Variants in SPAG16 observed in about 807,000 individuals in gnomAD.
SPAG16 encodes sperm-associated antigen 16 protein.
Under a neutral mutation model 80.4 loss-of-function variants are expected in SPAG16, and 86 were observed. The observed-to-expected ratio is 1.07, with a 90% CI of 0.90 to 1.28. The LOEUF is 1.28. Among genes scored for constraint, SPAG16 ranks in the 50% most tolerant of loss-of-function variants. The pLI, the probability that SPAG16 is intolerant of heterozygous loss-of-function variation, is 0.00. For synonymous variants in SPAG16, 294 were observed against 265.9 expected (o/e 1.11, Z -1.03); for missense variants, 870 against 765.3 (o/e 1.14, Z -1.61).
intron 11 of SPAG16, among the ~76,000 whole-genome samples, chr2:213,918,814 T>A (rs904054026): frequency 6.6e-5 from 10 of 152,188 alleles, no homozygotes; most frequent in African/African-American, 2.2e-4. Flanking sequence ...GTAACTCATT[T>A]TTTTTGTCTG....
chr2:214,159,605 A>G (rs989243522), intron 15 of SPAG16, among the ~76,000 whole-genome samples: 5 of 151,962 alleles, frequency 3.3e-5, no homozygotes, highest in African/African-American at 1.2e-4. Context: ...TTTATCTAAA[A>G]TTGAATTTCA....
chr2:213,649,621 C>T (rs1053514308), intron 10 of SPAG16, among the ~76,000 whole-genome samples: 3 of 152,088 alleles, frequency 2.0e-5, no homozygotes, highest in Admixed American at 1.3e-4. Context: ...GTCATCCAGG[C>T]GGTAGTGCAG....
intron 15 of SPAG16, among the ~76,000 whole-genome samples, chr2:214,386,701 A>T (rs1416409942): frequency 6.6e-6 from 1 of 152,060 alleles, no homozygotes; most frequent in Non-Finnish European, 1.5e-5. Context: ...ATCCCTACAA[A>T]AAATAAAAAA....
intron 15 of SPAG16, among the ~76,000 whole-genome samples, chr2:214,246,420 T>C (rs1270796353): frequency 6.6e-6 from 1 of 152,118 alleles, no homozygotes; most frequent in Non-Finnish European, 1.5e-5. Flanking sequence ...ACTCCCTTGT[T>C]ACTAATAGAA....
chr2:213,777,147 T>G (rs1158651844), intron 10 of SPAG16, among the ~76,000 whole-genome samples: 1 of 152,034 alleles, frequency 6.6e-6, no homozygotes, highest in Non-Finnish European at 1.5e-5. Context: ...AACTATTGTT[T>G]TTCCTACTTA....
At chr2:214,143,234 G>GTTTTTTTTT (rs59910884) in intron 14 of SPAG16, among the ~76,000 whole-genome samples, 1 of 112,668 alleles carries the variant, frequency 8.9e-6, no homozygotes, top group African/African-American at 3.4e-5. Flanking sequence ...ATAGTTTTGG[G>GTTTTTTTTT]TTTTTTTTTT....
At chr2:214,330,951 C>T (rs571376573) in intron 15 of SPAG16, among the ~76,000 whole-genome samples, 1 of 152,316 alleles carries the variant, frequency 6.6e-6, no homozygotes, top group African/African-American at 2.4e-5. Context: ...TAGTCTTTGT[C>T]CTGAAGAAAC....
intron 9 of SPAG16, among the ~76,000 whole-genome samples, chr2:213,477,306 GC>G (rs1483522741): frequency 6.6e-6 from 1 of 152,160 alleles, no homozygotes; most frequent in African/African-American, 2.4e-5. Context: ...ATGGGGCACT[GC>G]CTAATAAAGC....
intron 7 of SPAG16, among the ~76,000 whole-genome samples, chr2:213,363,613 T>C (rs555818823): frequency 5.6e-4 from 85 of 152,060 alleles, no homozygotes; most frequent in Non-Finnish European, 4.6e-4. Flanking sequence ...TTTAATAAAA[T>C]AGAGAATATA....
chr2:213,756,298 TG>T (rs1193572116), intron 10 of SPAG16, among the ~76,000 whole-genome samples: 3 of 152,078 alleles, frequency 2.0e-5, no homozygotes, highest in Non-Finnish European at 2.9e-5. Context: ...CTGGCCAACG[TG>T]GTAAAACCCC....
intron 15 of SPAG16, among the ~76,000 whole-genome samples, chr2:214,167,028 T>C (rs886291327): frequency 1.3e-5 from 2 of 152,248 alleles, no homozygotes; most frequent in East Asian, 3.9e-4. Context: ...GAAGGGCAGA[T>C]GAAGAAGACT....
intron 9 of SPAG16, among the ~76,000 whole-genome samples, chr2:213,425,897 A>G (rs1028141464): frequency 1.3e-5 from 2 of 152,152 alleles, no homozygotes; most frequent in African/African-American, 4.8e-5. Context: ...GTAATAGCTG[A>G]TACTAAGCTT....
At chr2:214,294,695 A>AAAGATTATCTGAT (rs761310616) in intron 15 of SPAG16, among the ~76,000 whole-genome samples, 3 of 152,238 alleles carry the variant, frequency 2.0e-5, no homozygotes, top group Non-Finnish European at 4.4e-5. Flanking sequence ...TAAGGACTCC[A>AAAGATTATCTGAT]AAGATTATCT....
At chr2:214,033,959 A>G (rs550607699) in intron 13 of SPAG16, among the ~76,000 whole-genome samples, 1 of 152,356 alleles carries the variant, frequency 6.6e-6, no homozygotes, top group East Asian at 1.9e-4. Context: ...AAGAAAATCC[A>G]TAATCATGTA....
chr2:213,840,863 A>G (rs2074329473), intron 10 of SPAG16, among the ~76,000 whole-genome samples: 1 of 152,168 alleles, frequency 6.6e-6, no homozygotes, highest in African/African-American at 2.4e-5. Flanking sequence ...GGAGTAATGC[A>G]GTTTCGTGGA....
At chr2:213,660,479 C>T (rs1480998530) in intron 10 of SPAG16, among the ~76,000 whole-genome samples, 1 of 152,022 alleles carries the variant, frequency 6.6e-6, no homozygotes, top group East Asian at 1.9e-4. Context: ...TGAGTCAGGG[C>T]TTGCATGTCT....
intron 1 of SPAG16, among the ~76,000 whole-genome samples, chr2:213,289,201 G>A (rs2062173854): frequency 6.6e-6 from 1 of 152,174 alleles, no homozygotes. Flanking sequence ...AAGTAGCAAG[G>A]CTGTAGATAA....
At chr2:214,163,892 A>C (rs1038881002) in intron 15 of SPAG16, among the ~76,000 whole-genome samples, 3 of 151,936 alleles carry the variant, frequency 2.0e-5, no homozygotes, top group African/African-American at 7.2e-5. Context: ...GCCCACTCAC[A>C]TTATGGAGGG....
intron 10 of SPAG16, among the ~76,000 whole-genome samples, chr2:213,524,469 A>G (rs540949586): frequency 6.6e-6 from 1 of 152,266 alleles, no homozygotes; most frequent in African/African-American, 2.4e-5. Flanking sequence ...GTCCACTGAC[A>G]GTTTTCCCTG....
Sources: gnomAD v4.1 joint callset for allele counts (sites outside exome capture counted in the v4.1 genomes callset) on GRCh38, gnomAD v4.1.1 for gene constraint, MANE v1.5 for transcripts, NCBI Gene and HGNC (gene_info 2026-07-23, HGNC 2026-07-21) for gene names.